HVCN1: variants seen among roughly 807,000 people sequenced by gnomAD.
HVCN1 encodes the protein hydrogen voltage gated channel 1, also known as voltage-gated hydrogen channel 1.
A neutral mutation model predicts 29.2 loss-of-function variants in HVCN1; 14 were observed. The observed-to-expected ratio is 0.48, with a 90% CI of 0.32 to 0.75. The LOEUF (loss-of-function observed/expected upper bound fraction) is 0.75. Ranked by LOEUF, HVCN1 falls within the 30% of genes least tolerant of loss-of-function variation. The pLI is 0.04. For missense variants in HVCN1, 263 were observed against 341.8 expected (o/e 0.77, Z 1.82); for synonymous variants, 131 against 133.2 (o/e 0.98, Z 0.11).
rs150056163 is a variant in HVCN1, at chr12:110,659,115, C to T, written c.306+2049G>A. 7.3e-3 allele frequency among the ~76,000 whole-genome samples: 1,116 copies of T among 152,318 alleles called. 17 individuals carry two copies. Among genetic ancestry groups the T allele is most frequent in the South Asian group, 0.04 (194 of 4,828 alleles). On this transcript the variant is annotated intron_variant, in intron 4 of 7. Transcript: ENST00000242607. The stretch of plus-strand genomic sequence containing the variant: ...CAGAGAAGCTGGGTCGCCAGGCGCT[C>T]TGGCATGTCAGCTGGCTTGCTTTGC...
rs537925042 is a variant in HVCN1, at chr12:110,682,878, G to T, written c.21+347C>A. 3.5e-4 allele frequency: 99 copies of T among 285,120 alleles called. 1 individual carries two copies. The highest frequency in any genetic ancestry group is 5.8e-4 in the Non-Finnish European group (85 of 147,768). The allele number at this position is 285,120 out of a possible 1,614,324, so 17.7% of individuals were successfully genotyped here. A position where few individuals can be genotyped will look rare whatever the true frequency, so the allele number is the denominator to read the frequency against. On this transcript the variant is annotated intron_variant, in intron 3 of 7. Coordinates refer to ENST00000242607, the MANE Select transcript of HVCN1 (RefSeq NM_032369.4). ...CTTGGGAGGCTGAGGCAGGAAAATC[G>T]CTTGAACCCTGGGGGGCAGAAGTTC...
chr12:110,682,123 G>A (rs539119300), intron 3 of HVCN1, among the ~76,000 whole-genome samples: 1 of 152,274 alleles, frequency 6.6e-6, no homozygotes, highest in South Asian at 2.1e-4. Context: ...AAGCAGCTGG[G>A]ATTAGAGGTG....
chr12:110,687,079 G>A (rs2069211001), intron 2 of HVCN1, among the ~76,000 whole-genome samples: 1 of 152,160 alleles, frequency 6.6e-6, no homozygotes, highest in Non-Finnish European at 1.5e-5. Flanking sequence ...GCTGATGGCT[G>A]ACACATTGCC....
chr12:110,651,447 A>G lies in HVCN1; in HGVS notation c.413T>C (p.Val138Ala). 1 of 1,604,916 alleles carries G rather than the reference A, an allele frequency of 6.2e-7. No individual in the cohort carries two copies. The highest frequency in any genetic ancestry group is 8.5e-7 in the Non-Finnish European group (1 of 1,171,728). ...GATGGTGATGCTCATGTAGTGGAATACCTGAAGGGGACAAGGAACCACAGT... is the reference window on the plus strand; with the variant it reads ...GATGGTGATGCTCATGTAGTGGAATGCCTGAAGGGGACAAGGAACCACAGT... ...QPDKNNYAAM[V>A]FHYMSITILV... The change falls in exon 6 of 8, where the codon GTA (valine) becomes GCA (alanine). Residue 138 changes from valine (V) to alanine (A), a missense_variant and splice_region_variant. Val to Ala is a moderately conservative substitution (Grantham distance 64, BLOSUM62 0). Transcript: ENST00000242607.
rs1051062653 is a variant in HVCN1, at chr12:110,669,083, G to A, written c.22-7635C>T. On this transcript the variant is annotated intron_variant, in intron 3 of 7. Coordinates refer to ENST00000242607, the MANE Select transcript of HVCN1 (RefSeq NM_032369.4). Reference sequence around the variant, plus strand: ...ACTCCAGTCTGATGTTCAAGATCCTGCTGGGTCATTGGTTTGCTGTGACCC... The same window carrying A: ...ACTCCAGTCTGATGTTCAAGATCCTACTGGGTCATTGGTTTGCTGTGACCC... Among the ~76,000 whole-genome samples the A allele has an allele frequency of 1.6e-4, 24 of 151,942 alleles. 1 individual carries two copies. The highest frequency in any genetic ancestry group is 2.9e-5 in the Non-Finnish European group (2 of 67,992).
intron 3 of HVCN1, among the ~76,000 whole-genome samples, chr12:110,671,855 G>C (rs545360962): frequency 1.5e-3 from 230 of 152,302 alleles, no homozygotes; most frequent in Middle Eastern, 3.4e-3. Flanking sequence ...AGGAAGGGTA[G>C]GTGAAGTCTC....
chr12:110,668,293 A>C (rs748406252), intron 3 of HVCN1, among the ~76,000 whole-genome samples: 1 of 152,114 alleles, frequency 6.6e-6, no homozygotes, highest in African/African-American at 2.4e-5. Flanking sequence ...CTTCAGGTCA[A>C]GAGTTTGAGA....
At chr12:110,652,359 C>G (rs1162767469) in intron 5 of HVCN1, among the ~76,000 whole-genome samples, 1 of 152,160 alleles carries the variant, frequency 6.6e-6, no homozygotes, top group Non-Finnish European at 1.5e-5. Flanking sequence ...CCACTGCACT[C>G]CAGCCTGGGT....
intron 3 of HVCN1, among the ~76,000 whole-genome samples, chr12:110,662,893 T>C (rs939893078): frequency 6.6e-6 from 1 of 151,988 alleles, no homozygotes; most frequent in Admixed American, 6.6e-5. Context: ...TATAAAGAAA[T>C]CTTATAAATC....
In HVCN1 at chr12:110,676,227, C is replaced by T. The variant is rs547281029; in HGVS notation, c.21+6998G>A. ...CACCTACTTCCCCCACCCTCTGCCA[C>T]TGCCCTGGCCAACCCCCTGCCTCAC... On this transcript the variant is annotated intron_variant, in intron 3 of 7. Transcript: ENST00000242607. This position sits in a 1 kb window ranked among gnomAD's most constrained non-coding sequence, Gnocchi z 4.1. 2.6e-5 allele frequency among the ~76,000 whole-genome samples: 4 copies of T among 152,376 alleles called. No individual in the cohort carries two copies. The highest frequency in any genetic ancestry group is 1.3e-4 in the Admixed American group (2 of 15,308).
upstream of HVCN1, among the ~76,000 whole-genome samples, chr12:110,690,736 C>T (rs747530125): frequency 5.3e-5 from 8 of 151,924 alleles, no homozygotes; most frequent in Admixed American, 1.3e-4. Flanking sequence ...CCTTGGCCTC[C>T]GAAGGTGCTG....
At chr12:110,664,153 A>C (rs993835252) in intron 3 of HVCN1, among the ~76,000 whole-genome samples, 2 of 152,168 alleles carry the variant, frequency 1.3e-5, no homozygotes, top group Non-Finnish European at 2.9e-5. Flanking sequence ...CTCCTAGGCT[A>C]AAACAACCTT....
chr12:110,685,311 T>C (rs909089928), intron 2 of HVCN1, among the ~76,000 whole-genome samples: 5 of 152,090 alleles, frequency 3.3e-5, no homozygotes, highest in African/African-American at 1.2e-4. Flanking sequence ...CCTCTAGAAG[T>C]TGGGAAGGCA....
intron 3 of HVCN1, among the ~76,000 whole-genome samples, chr12:110,671,303 T>C (rs1048208739): frequency 2.0e-5 from 3 of 152,016 alleles, no homozygotes; most frequent in Admixed American, 6.6e-5. Context: ...CCTGGGAGAC[T>C]GAATGAGACT....
At chr12:110,701,910 CAACAACAAA>C (rs1487251255) in intron 2 of HVCN1, among the ~76,000 whole-genome samples, 1 of 151,194 alleles carries the variant, frequency 6.6e-6, no homozygotes, top group Non-Finnish European at 1.5e-5. Context: ...ACAACAACAA[CAACAACAAA>C]ACACACACAG....
chr12:110,666,712 C>T (rs1181663621), intron 3 of HVCN1, among the ~76,000 whole-genome samples: 2 of 152,176 alleles, frequency 1.3e-5, no homozygotes, highest in African/African-American at 4.8e-5. Context: ...GAATACTCTT[C>T]TCCCCAATCC....
At chr12:110,656,530 C>G (rs756387597) in intron 4 of HVCN1, among the ~76,000 whole-genome samples, 1 of 152,244 alleles carries the variant, frequency 6.6e-6, no homozygotes, top group East Asian at 1.9e-4. Flanking sequence ...CCCAAAGGAC[C>G]TCGAGTGACC....
At chr12:110,694,394 G>A (rs1338186332), upstream of HVCN1, among the ~76,000 whole-genome samples, 1 of 152,218 alleles carries the variant, frequency 6.6e-6, no homozygotes, top group Non-Finnish European at 1.5e-5. This position sits in a 1 kb window ranked among gnomAD's most constrained non-coding sequence, Gnocchi z 4.6. Flanking sequence ...TCTGAGTACA[G>A]CCCTGGGGGA....
intron 3 of HVCN1, among the ~76,000 whole-genome samples, chr12:110,681,409 T>A (rs1394618153): frequency 2.0e-5 from 3 of 152,222 alleles, no homozygotes; most frequent in Non-Finnish European, 4.4e-5. Context: ...AACAGTGGCA[T>A]GGGTTGACCC....
Sources: allele counts gnomAD v4.1 joint callset (sites outside exome capture counted in the v4.1 genomes callset), GRCh38; gene constraint gnomAD v4.1.1; non-coding constraint Gnocchi (gnomAD v3.1); transcripts MANE v1.5; gene names NCBI Gene and HGNC (gene_info 2026-07-23, HGNC 2026-07-21).